The following POSTN variants were observed in gnomAD, a reference collection of about 807,000 sequenced individuals.
The protein encoded by POSTN is osteoblast specific factor 2 (fasciclin I-like).
POSTN carries 71 observed loss-of-function variants against 104.5 expected under a neutral mutation model. The observed-to-expected ratio is 0.68, with a 90% CI of 0.56 to 0.83. The LOEUF (loss-of-function observed/expected upper bound fraction) is 0.83. POSTN is among the 40% of genes least tolerant of loss of function. POSTN has a pLI of 0.00. For missense variants in POSTN, 949 were observed against 1,006.8 expected (o/e 0.94, Z 0.78); for synonymous variants, 355 against 340.7 (o/e 1.04, Z -0.46).
At chr13:37,574,819 T>C (rs1593323765) in intron 16 of POSTN, among the ~76,000 whole-genome samples, 167 bp from the exon 17 acceptor site, 1 of 151,928 alleles carries the variant, frequency 6.6e-6, no homozygotes, top group Non-Finnish European at 1.5e-5. Flanking sequence ...CATAATATAA[T>C]ATCTTCTCAT....
Position 37,586,236 on chromosome 13 carries a change from G to A in POSTN, c.798C>T (p.Asp266=), listed in dbSNP as rs759253817. 1.6e-5 allele frequency: 26 copies of A among 1,613,468 alleles called. No homozygotes were observed. Among genetic ancestry groups the A allele is most frequent in the South Asian group, 3.3e-5 (3 of 91,024 alleles). ...TSDILEALGR[D]GHFTLFAPTN... ...TGGGAGCAAAGAGTGTGAAGTGACCGTCTCTTCCAAGGGCCTCCAATATGT... is the reference window on the plus strand; with the variant it reads ...TGGGAGCAAAGAGTGTGAAGTGACCATCTCTTCCAAGGGCCTCCAATATGT... The change falls in exon 7 of 23, where the codon GAC becomes GAT. Residue 266 remains aspartate, a synonymous_variant. Coordinates refer to ENST00000379747, the MANE Select transcript of POSTN (RefSeq NM_006475.3).
chr13:37,576,613 C>T (rs1950416720), intron 16 of POSTN, among the ~76,000 whole-genome samples: 2 of 151,314 alleles, frequency 1.3e-5, no homozygotes, highest in Admixed American at 6.6e-5. Context: ...TATATATATG[C>T]ATATGTATAT....
rs1950622347 is a variant in POSTN at position 37,582,488 on chromosome 13, G to A, written c.1270C>T (p.Leu424Phe). ...TGATTCTGCAGAATTAATTTAAGGA[G>A]GCGCTGATCCATGCTGAGAGTATCA... ...SDDTLSMDQR[L>F]LKLILQNHIL... is the part of the protein sequence containing the mutation. The change falls in exon 10 of 23, where the codon CTC becomes TTC. Residue 424 changes from leucine (L) to phenylalanine (F), a missense_variant. Coordinates refer to ENST00000379747, the MANE Select transcript of POSTN (RefSeq NM_006475.3). The A allele has an allele frequency of 2.5e-6, 4 of 1,612,024 alleles. No individual in the cohort carries two copies. The highest frequency in any genetic ancestry group is 3.4e-6 in the Non-Finnish European group (4 of 1,179,188).
chr13:37,575,349 G>A (rs956114567), intron 16 of POSTN, among the ~76,000 whole-genome samples: 33 of 151,032 alleles, frequency 2.2e-4, no homozygotes, highest in Admixed American at 9.2e-4. Flanking sequence ...AATAGTCTTT[G>A]AACTAGGTAC....
intron 2 of POSTN, among the ~76,000 whole-genome samples, chr13:37,594,737 A>G (rs1271805322): frequency 6.9e-6 from 1 of 144,312 alleles, no homozygotes; most frequent in African/African-American, 2.5e-5. Context: ...TGCTCAGTTT[A>G]CTTTTCTCAA....
chr13:37,569,875 G>T, intron 19 of POSTN, 54 bp from the exon 20 acceptor site: 1 of 1,200,562 alleles, frequency 8.3e-7, no homozygotes, highest in Non-Finnish European at 1.2e-6. Context: ...AACTTCTTCT[G>T]CGAAGTGACA....
chr13:37,571,365 G>A lies in POSTN; in HGVS notation c.2179+4C>T, dbSNP rs117655503. 525 of 1,583,408 alleles carry A rather than the reference G, an allele frequency of 3.3e-4. 1 individual carries two copies. In the East Asian group the frequency reaches 0.011, roughly 33 times the overall value. ...GTCGGCCCCAGGTAACATAAGGAAC[G>A]CACCTCCATGGATCACTTCAGTTAT... On this transcript the variant is annotated splice_donor_region_variant and intron_variant, in intron 18 of 22. Coordinates refer to ENST00000379747, the MANE Select transcript of POSTN (RefSeq NM_006475.3).
intron 10 of POSTN, among the ~76,000 whole-genome samples, chr13:37,581,898 A>G (rs1950600060): frequency 6.6e-6 from 1 of 152,296 alleles, no homozygotes; most frequent in Non-Finnish European, 1.5e-5. Context: ...GAAATGAAAA[A>G]CATTTTAGTA....
rs759993057 is a variant in POSTN, at chr13:37,584,073, T to A, written c.1139A>T (p.Gln380Leu). 6.8e-6 allele frequency: 11 copies of A among 1,613,822 alleles called. 2 individuals carry two copies. In the South Asian group the frequency reaches 1.2e-4, roughly 18 times the overall value. ...AKQVIELAGK[Q>L]QTTFTDLVAQ... ...CACAAGATCCGTGAAGGTGGTTTGCTGTTTTCCAGCCAGCTCAATAACTTG... is the reference window on the plus strand; with the variant it reads ...CACAAGATCCGTGAAGGTGGTTTGCAGTTTTCCAGCCAGCTCAATAACTTG... Residue 380 changes from glutamine to leucine, a missense_variant, in exon 9 of 23, where the codon CAG (glutamine) becomes CTG (leucine). Coordinates refer to ENST00000379747, the MANE Select transcript of POSTN (RefSeq NM_006475.3).
chr13:37,579,004 T>C lies in POSTN; in HGVS notation c.1894+15A>G, dbSNP rs750817567. On this transcript the variant is annotated intron_variant, in intron 14 of 22. Coordinates refer to ENST00000379747, the MANE Select transcript of POSTN (RefSeq NM_006475.3). The stretch of plus-strand genomic sequence containing the variant: ...AAAAAGACTTAGCCTATCAATGAGT[T>C]CAATAATTACAAACCTGCTGGATAG... 1.2e-6 allele frequency: 2 copies of C among 1,610,460 alleles called. No individual in the cohort carries two copies. The highest frequency in any genetic ancestry group is 1.7e-6 in the Non-Finnish European group (2 of 1,178,580).
At chr13:37,569,223 T>G in intron 21 of POSTN, 77 bp downstream of exon 21, 2 of 1,022,288 alleles carry the variant, frequency 2.0e-6, no homozygotes, top group Non-Finnish European at 2.9e-6. Flanking sequence ...AGAAAAAATC[T>G]GCTTGCTCAG....
At position 37,598,752 on chromosome 13, in the gene POSTN, C is replaced by T. The variant is rs549198385; in HGVS notation, c.-26G>A. On this transcript the variant is annotated 5_prime_UTR_variant, in exon 1 of 23. Coordinates refer to ENST00000379747, the MANE Select transcript of POSTN (RefSeq NM_006475.3). ...CTTGAGTCTCTCCGTTGCAGTTAGT[C>T]CCCGAAGAGAACTGGCAGTGGGCTT... 2 of 1,609,822 alleles carry T rather than the reference C, an allele frequency of 1.2e-6. No homozygotes were observed. The highest frequency in any genetic ancestry group is 2.2e-5 in the East Asian group (1 of 44,794).
chr13:37,592,283 T>G, intron 2 of POSTN, 119 bp from the exon 3 acceptor site: 1 of 550,184 alleles, frequency 1.8e-6, no homozygotes, highest in Non-Finnish European at 2.8e-6. Flanking sequence ...AAAATCAGGT[T>G]TTTTTTCCCC....
intron 2 of POSTN, among the ~76,000 whole-genome samples, chr13:37,592,966 C>T (rs1433169043): frequency 1.3e-5 from 2 of 151,712 alleles, no homozygotes; most frequent in Non-Finnish European, 2.9e-5. Flanking sequence ...AAAATAATGC[C>T]ATATTTGGTT....
chr13:37,585,182 G>A (rs1450040060), intron 7 of POSTN, among the ~76,000 whole-genome samples: 2 of 152,162 alleles, frequency 1.3e-5, no homozygotes, highest in Non-Finnish European at 2.9e-5. Flanking sequence ...ATTAGAAAAC[G>A]TGGTAGGTTA....
At chr13:37,586,110 A>G (rs1022656344) in intron 7 of POSTN, 29 bp downstream of exon 7, 4 of 1,566,540 alleles carry the variant, frequency 2.6e-6, no homozygotes, top group Non-Finnish European at 3.5e-6. Context: ...ATGCTGGGAG[A>G]CTCCTTAGAG....
intron 14 of POSTN, 23 bp from the exon 15 acceptor site, chr13:37,578,934 A>T (rs1230401749): frequency 6.3e-7 from 1 of 1,593,980 alleles, no homozygotes; most frequent in South Asian, 1.2e-5. Context: ...ATATTAAATG[A>T]ATATTGGTAA....
At chr13:37,563,983 T>C (rs1364448289) in intron 22 of POSTN, among the ~76,000 whole-genome samples, 1 of 151,478 alleles carries the variant, frequency 6.6e-6, no homozygotes, top group African/African-American at 2.4e-5. Flanking sequence ...TAAATAGCTA[T>C]ATTAATGGTT....
chr13:37,596,924 C>T (rs796123398), intron 2 of POSTN, among the ~76,000 whole-genome samples: 8 of 152,222 alleles, frequency 5.3e-5, no homozygotes, highest in African/African-American at 1.9e-4. Context: ...GATTCTATAC[C>T]CAATCCTGAG....
Sources: gnomAD v4.1 joint callset for allele counts (sites outside exome capture counted in the v4.1 genomes callset) on GRCh38, gnomAD v4.1.1 for gene constraint, MANE v1.5 for transcripts, NCBI Gene and HGNC (gene_info 2026-07-23, HGNC 2026-07-21) for gene names.